The following IL2RA variants were observed in gnomAD, a reference collection of about 807,000 sequenced individuals.
The protein encoded by IL2RA is interleukin 2 receptor subunit alpha, also known as interleukin-2 receptor subunit alpha.
IL2RA carries 24 observed loss-of-function variants against 37.8 expected under a neutral mutation model. That is an observed-to-expected ratio of 0.63 (90% CI 0.46 to 0.89). The LOEUF (loss-of-function observed/expected upper bound fraction) is 0.89. Ranked by LOEUF, IL2RA falls within the 40% of genes least tolerant of loss-of-function variation. The pLI, the probability that IL2RA is intolerant of heterozygous loss-of-function variation, is 0.00. For missense variants in IL2RA, 319 were observed against 348.6 expected (o/e 0.92, Z 0.68); for synonymous variants, 125 against 114.6 (o/e 1.09, Z -0.58).
chr10:6,021,423 G>T lies in IL2RA; in HGVS notation c.583+55C>A. 2.1e-6 allele frequency: 3 copies of T among 1,448,984 alleles called. No individual in the cohort carries two copies. The highest frequency in any genetic ancestry group is 1.9e-6 in the Non-Finnish European group (2 of 1,031,350). The allele number at this position is 1,448,984 out of a possible 1,614,324, so 89.8% of individuals were successfully genotyped here. On this transcript the variant is annotated intron_variant, in intron 4 of 7. Coordinates refer to ENST00000379959, the MANE Select transcript of IL2RA (RefSeq NM_000417.3). This position sits in a 1 kb window ranked among gnomAD's most constrained non-coding sequence, Gnocchi z 4.9. ...CAGGAGTGGTCAGGGATTCCACTCT[G>T]GTCAGCCTGATGGAGCAAAGCAACA...
rs1179856414 is a variant in IL2RA, at chr10:6,044,410, CT to C, written c.64+17677del. Among the ~76,000 whole-genome samples, 1 of 152,196 alleles carries C rather than the reference CT, an allele frequency of 6.6e-6. No homozygotes were observed. Among genetic ancestry groups the C allele is most frequent in the Non-Finnish European group, 1.5e-5 (1 of 68,030 alleles). ...AGTTTTGCATTCATATTTATATCTG[CT>C]TTTAATTACACGCAGTTTAAGGGGC... On this transcript the variant is annotated intron_variant, in intron 1 of 7. Transcript: ENST00000379959. The surrounding 1 kb of genome is among the most constrained non-coding windows in gnomAD (Gnocchi z 4.5).
chr10:6,012,974 C>A lies in IL2RA; in HGVS notation c.795-78G>T. ...ATGTGGTCCTCACTCTAAACCAGTG[C>A]ACACGCCACCATGCCTGGCTAATTT... is the stretch of plus-strand genomic sequence containing the variant. On this transcript the variant is annotated intron_variant, in intron 7 of 7. Coordinates refer to ENST00000379959, the MANE Select transcript of IL2RA (RefSeq NM_000417.3). This position sits in a 1 kb window ranked among gnomAD's most constrained non-coding sequence, Gnocchi z 4.8. The A allele has an allele frequency of 1.5e-6, 2 of 1,322,838 alleles. No homozygotes were observed. Among genetic ancestry groups the A allele is most frequent in the Non-Finnish European group, 2.2e-6 (2 of 914,702 alleles). The allele number at this position is 1,322,838 out of a possible 1,614,324, so 81.9% of individuals were successfully genotyped here. A position where few individuals can be genotyped will look rare whatever the true frequency, so the allele number is the denominator to read the frequency against.
rs12722646 is a variant in IL2RA at position 6,044,202 on chromosome 10, T to G, written c.64+17886A>C. Among the ~76,000 whole-genome samples, 2,920 of 152,284 alleles carry G rather than the reference T, an allele frequency of 0.019. 89 individuals are homozygous for G. Among genetic ancestry groups the G allele is most frequent in the African/African-American group, 0.066 (2,740 of 41,548 alleles). On this transcript the variant is annotated intron_variant, in intron 1 of 7. Coordinates refer to ENST00000379959, the MANE Select transcript of IL2RA (RefSeq NM_000417.3). This position sits in a 1 kb window ranked among gnomAD's most constrained non-coding sequence, Gnocchi z 4.5. ...GATGCAGGACAAGCGAGCCCCGAGG[T>G]GGGGCTTAGCCCGCAAGGGTTCTTG...
rs571426901 is a variant in IL2RA at position 6,035,690 on chromosome 10, C to A, written c.65-9665G>T. ...TGTGGGCAGAGGGAAAAAGAGACAG[C>A]CAGCAGTGATCATTAATCCTGAAAA... On this transcript the variant is annotated intron_variant, in intron 1 of 7. Transcript: ENST00000379959. The surrounding 1 kb of genome is among the most constrained non-coding windows in gnomAD (Gnocchi z 5.4). Among the ~76,000 whole-genome samples the A allele has an allele frequency of 6.6e-6, 1 of 152,256 alleles. No individual in the cohort carries two copies. The highest frequency in any genetic ancestry group is 2.1e-4 in the South Asian group (1 of 4,820).
At position 6,014,752 on chromosome 10, in the gene IL2RA, CG is replaced by C. The variant is rs1353928762; in HGVS notation, c.795-1857del. 6.6e-6 allele frequency among the ~76,000 whole-genome samples: 1 copy of C among 152,086 alleles called. No homozygotes were observed. Among genetic ancestry groups the C allele is most frequent in the Non-Finnish European group, 1.5e-5 (1 of 68,020 alleles). ...CCCCTTAGAGAAACTGGTAGACTGCCGGGTATATGAATCATTCCTGCTACAA... is the reference window on the plus strand; with the variant it reads ...CCCCTTAGAGAAACTGGTAGACTGCCGGTATATGAATCATTCCTGCTACAA... On this transcript the variant is annotated intron_variant, in intron 7 of 7. Transcript: ENST00000379959. The surrounding 1 kb of genome is among the most constrained non-coding windows in gnomAD (Gnocchi z 4.4).
In IL2RA at chr10:6,047,795, TATA is replaced by T. The variant is rs1344064643; in HGVS notation, c.64+14290_64+14292del. On this transcript the variant is annotated intron_variant, in intron 1 of 7. Coordinates refer to ENST00000379959, the MANE Select transcript of IL2RA (RefSeq NM_000417.3). This position sits in a 1 kb window ranked among gnomAD's most constrained non-coding sequence, Gnocchi z 5.0. ...TAAAATACTATAGTATACTCATTAA[TATA>T]ATTAGTATATTATATGATAAATATA... 1.4e-5 allele frequency among the ~76,000 whole-genome samples: 2 copies of T among 147,732 alleles called. No homozygotes were observed. Among genetic ancestry groups the T allele is most frequent in the African/African-American group, 4.9e-5 (2 of 40,728 alleles).
chr10:6,032,692 CAA>C (rs59428144), intron 1 of IL2RA, among the ~76,000 whole-genome samples: 186 of 112,662 alleles, frequency 1.7e-3, no homozygotes, highest in Middle Eastern at 4.3e-3. Context: ...GACTCCATCT[CAA>C]AAAAAAAAAA....
chr10:6,031,020 C>A (rs964238289), intron 1 of IL2RA, among the ~76,000 whole-genome samples: 1 of 151,540 alleles, frequency 6.6e-6, no homozygotes, highest in Non-Finnish European at 1.5e-5. Flanking sequence ...GTTTGGTTAG[C>A]CAAACTGAAG....
At chr10:6,026,911 A>G (rs778684700) in intron 1 of IL2RA, among the ~76,000 whole-genome samples, 1 of 152,038 alleles carries the variant, frequency 6.6e-6, no homozygotes, top group Non-Finnish European at 1.5e-5. Flanking sequence ...CCGGTTGTGT[A>G]TTGGTCATTC....
At chr10:6,030,834 T>C (rs1839563953) in intron 1 of IL2RA, among the ~76,000 whole-genome samples, 1 of 152,162 alleles carries the variant, frequency 6.6e-6, no homozygotes, top group South Asian at 2.1e-4. Context: ...TATACAGCAG[T>C]CCTAGTATAA....
At position 6,057,442 on chromosome 10, in the gene IL2RA, G is replaced by T. The variant is rs1324653559; in HGVS notation, c.64+4646C>A. ...TTTTCATCCCAAAGTTCCCCAGCTT[G>T]AAAATGCCTTTTAAGCAGAGCTTAT... On this transcript the variant is annotated intron_variant, in intron 1 of 7. Coordinates refer to ENST00000379959, the MANE Select transcript of IL2RA (RefSeq NM_000417.3). The surrounding 1 kb of genome is among the most constrained non-coding windows in gnomAD (Gnocchi z 4.8). Among the ~76,000 whole-genome samples, 1 of 152,166 alleles carries T rather than the reference G, an allele frequency of 6.6e-6. No individual in the cohort carries two copies. The highest frequency in any genetic ancestry group is 1.5e-5 in the Non-Finnish European group (1 of 68,030).
Position 6,044,832 on chromosome 10 carries a change from C to T in IL2RA, c.64+17256G>A, listed in dbSNP as rs1403333154. 6.6e-6 allele frequency among the ~76,000 whole-genome samples: 1 copy of T among 152,236 alleles called. No homozygotes were observed. The highest frequency in any genetic ancestry group is 2.4e-5 in the African/African-American group (1 of 41,464). ...GCTGGATCAGCACCCAAGAGCAGAG[C>T]ACAAGCCTTGGGCCATGGTAGGTTC... is the stretch of plus-strand genomic sequence containing the variant. On this transcript the variant is annotated intron_variant, in intron 1 of 7. Transcript: ENST00000379959. The surrounding 1 kb of genome is among the most constrained non-coding windows in gnomAD (Gnocchi z 4.5).
intron 2 of IL2RA, 26 bp from the exon 3 acceptor site, chr10:6,024,380 A>C (rs759392020): frequency 2.0e-6 from 3 of 1,486,510 alleles, no homozygotes; most frequent in South Asian, 1.1e-5. Flanking sequence ...GGAATGATGC[A>C]GATAATTTCA....
intron 1 of IL2RA, among the ~76,000 whole-genome samples, chr10:6,060,245 C>T (rs1474352870): frequency 6.6e-6 from 1 of 152,156 alleles, no homozygotes; most frequent in African/African-American, 2.4e-5. Context: ...GCACGATGGA[C>T]TCTGAGGACT....
chr10:6,023,321 T>G (rs889993175), intron 3 of IL2RA, among the ~76,000 whole-genome samples: 7 of 151,822 alleles, frequency 4.6e-5, no homozygotes, highest in African/African-American at 7.3e-5. Flanking sequence ...GTTCTGTGGG[T>G]TTTTTTTCTT....
rs1400262930 is a variant in IL2RA at position 6,021,959 on chromosome 10, A to G, written c.368-266T>C. ...ATGTGAAGGATAGCAGACGTTGGCA[A>G]TGGGAACACAGAGGAATGAGCGATT... is the stretch of plus-strand genomic sequence containing the variant. On this transcript the variant is annotated intron_variant, in intron 3 of 7. Transcript: ENST00000379959. The surrounding 1 kb of genome is among the most constrained non-coding windows in gnomAD (Gnocchi z 4.9). 6.6e-6 allele frequency among the ~76,000 whole-genome samples: 1 copy of G among 152,096 alleles called. No homozygotes were observed. The highest frequency in any genetic ancestry group is 1.5e-5 in the Non-Finnish European group (1 of 68,018).
rs536344946 is a variant in IL2RA at position 6,018,059 on chromosome 10, C to A, written c.788G>T (p.Arg263Leu). 1 of 1,613,624 alleles carries A rather than the reference C, an allele frequency of 6.2e-7. No individual in the cohort carries two copies. Among genetic ancestry groups the A allele is most frequent in the Non-Finnish European group, 8.5e-7 (1 of 1,179,712 alleles). Residue 263 changes from arginine to leucine, a missense_variant, in exon 7 of 8, where the codon CGG (arginine) becomes CTG (leucine). Physicochemically the swap from Arg to Leu is moderately radical, Grantham distance 102 (BLOSUM62 -2). Coordinates refer to ENST00000379959, the MANE Select transcript of IL2RA (RefSeq NM_000417.3). The surrounding 1 kb of genome is among the most constrained non-coding windows in gnomAD (Gnocchi z 5.1). ...VLLLSGLTWQRRQRKSRRTI is the reference protein window; with the variant it reads ...VLLLSGLTWQLRQRKSRRTI ...TTGGTGATGCCACACTTACTGTCTC[C>A]GCTGCCAGGTGAGCCCACTCAGGAG...
chr10:6,036,863 T>C lies in IL2RA; in HGVS notation c.65-10838A>G, dbSNP rs139526249. On this transcript the variant is annotated intron_variant, in intron 1 of 7. Transcript: ENST00000379959. The surrounding 1 kb of genome is among the most constrained non-coding windows in gnomAD (Gnocchi z 6.1). The stretch of plus-strand genomic sequence containing the variant: ...GCTGCTCTAGAGCCGGCAGGACGGA[T>C]GCTGAGGTTGTTCGCAGCAGCGTGT... 3.2e-4 allele frequency among the ~76,000 whole-genome samples: 49 copies of C among 152,320 alleles called. No homozygotes were observed. The highest frequency in any genetic ancestry group is 1.1e-3 in the African/African-American group (44 of 41,574).
Position 6,018,108 on chromosome 10 carries a change from C to G in IL2RA, c.739G>C (p.Val247Leu). ...AGGAGGACGCTGATCAGCAGGAAAA[C>G]ACAGCCGGCCACTGTCAATAGAGAG... ...TEYQVAVAGC[V>L]FLLISVLLLS... The change falls in exon 7 of 8, where the codon GTT (valine) becomes CTT (leucine). Residue 247 changes from valine to leucine, a missense_variant. Transcript: ENST00000379959. This position sits in a 1 kb window ranked among gnomAD's most constrained non-coding sequence, Gnocchi z 5.1. 1 of 1,613,970 alleles carries G rather than the reference C, an allele frequency of 6.2e-7. No homozygotes were observed. The highest frequency in any genetic ancestry group is 8.5e-7 in the Non-Finnish European group (1 of 1,179,878).
Sources: gnomAD v4.1 joint callset for allele counts (sites outside exome capture counted in the v4.1 genomes callset) on GRCh38, gnomAD v4.1.1 for gene constraint, Gnocchi (gnomAD v3.1) non-coding constraint, MANE v1.5 for transcripts, NCBI Gene and HGNC (gene_info 2026-07-23, HGNC 2026-07-21) for gene names.